Variants in NTNG1 observed in about 807,000 individuals in gnomAD.
NTNG1 encodes the protein netrin-G1.
A neutral mutation model predicts 54.0 loss-of-function variants in NTNG1; 16 were observed. The observed-to-expected ratio is 0.30, with a 90% confidence interval of 0.20 to 0.45. The LOEUF is 0.45. Ranked by LOEUF, NTNG1 falls within the 20% of genes least tolerant of loss-of-function variation. The pLI, the probability that NTNG1 is intolerant of heterozygous loss-of-function variation, is 1.00. For missense variants in NTNG1, 530 were observed against 678.7 expected, an observed-to-expected ratio of 0.78 and a Z score of 2.43; for synonymous variants, 255 against 263.1, an observed-to-expected ratio of 0.97 and a Z score of 0.30.
intron 2 of NTNG1, among the ~76,000 whole-genome samples, chr1:107,319,510 T>C (rs766483156): frequency 6.6e-6 from 1 of 152,090 alleles, no homozygotes; most frequent in Non-Finnish European, 1.5e-5. Context: ...TCTATCTCAG[T>C]CACAGCAGGA....
intron 2 of NTNG1, among the ~76,000 whole-genome samples, chr1:107,207,310 A>G (rs533836165): frequency 2.6e-5 from 4 of 152,296 alleles, no homozygotes; most frequent in African/African-American, 9.6e-5. Flanking sequence ...TTTTCCTCCC[A>G]TAACTGTGAA....
chr1:107,200,640 A>G (rs891288587), intron 2 of NTNG1, among the ~76,000 whole-genome samples: 62 of 151,900 alleles, frequency 4.1e-4, no homozygotes, highest in Admixed American at 3.9e-4. Flanking sequence ...TTTTAAAATG[A>G]AAAAAATTAG....
intron 5 of NTNG1, among the ~76,000 whole-genome samples, chr1:107,422,823 T>C: frequency 6.6e-6 from 1 of 152,168 alleles, no homozygotes; most frequent in East Asian, 1.9e-4. Context: ...AATCTACCTG[T>C]TCTAATTGTG....
intron 7 of NTNG1, among the ~76,000 whole-genome samples, chr1:107,462,597 G>A (rs77494317): frequency 1.1e-4 from 17 of 152,116 alleles, no homozygotes; most frequent in Non-Finnish European, 2.1e-4. Flanking sequence ...ATTTAATGGC[G>A]TATCAACATG....
intron 2 of NTNG1, among the ~76,000 whole-genome samples, chr1:107,315,431 A>C (rs1431999670): frequency 6.6e-6 from 1 of 152,126 alleles, no homozygotes; most frequent in African/African-American, 2.4e-5. Flanking sequence ...ACAACACATC[A>C]GTTCTTCCAT....
rs1678913605 is a variant in NTNG1 at position 107,484,479 on chromosome 1, A to C, written c.*3639A>C. Among the ~76,000 whole-genome samples the C allele has an allele frequency of 6.6e-6, 1 of 152,182 alleles. No individual in the cohort carries two copies. The highest frequency in any genetic ancestry group is 6.5e-5 in the Admixed American group (1 of 15,282). ...TTAGACATGTGGCATGGGGTCCTCC[A>C]TTGGTACTTTTGCACAAGATCCTGC... On this transcript the variant is annotated 3_prime_UTR_variant, in exon 8 of 8. Coordinates refer to ENST00000370068, the MANE Select transcript of NTNG1 (RefSeq NM_001113226.3).
intron 3 of NTNG1, among the ~76,000 whole-genome samples, chr1:107,370,240 T>TAAAA (rs35235511): frequency 2.4e-5 from 3 of 125,620 alleles, no homozygotes; most frequent in Non-Finnish European, 5.2e-5. Flanking sequence ...GTCAATTTCT[T>TAAAA]AAAAAAAAAA....
At chr1:107,293,995 C>T (rs1665786811) in intron 2 of NTNG1, among the ~76,000 whole-genome samples, 1 of 151,936 alleles carries the variant, frequency 6.6e-6, no homozygotes, top group African/African-American at 2.4e-5. Flanking sequence ...ATAAAGGATT[C>T]TGAAAAGAAA....
At chr1:107,223,125 A>G (rs930202061) in intron 2 of NTNG1, among the ~76,000 whole-genome samples, 1 of 152,100 alleles carries the variant, frequency 6.6e-6, no homozygotes, top group African/African-American at 2.4e-5. Context: ...ATTTTGACAA[A>G]TAGCTTAGAT....
intron 2 of NTNG1, among the ~76,000 whole-genome samples, chr1:107,302,102 C>T (rs1418520560): frequency 6.6e-6 from 1 of 152,180 alleles, no homozygotes; most frequent in African/African-American, 2.4e-5. Flanking sequence ...AACGTCCACC[C>T]CTTTGTACTC....
chr1:107,346,592 G>A (rs1296610523), intron 3 of NTNG1, among the ~76,000 whole-genome samples: 2 of 152,064 alleles, frequency 1.3e-5, no homozygotes, highest in African/African-American at 2.4e-5. Flanking sequence ...CCTCAGAGAT[G>A]TCAAAACAAG....
rs116729338 is a variant in NTNG1 at position 107,204,504 on chromosome 1, A to G, written c.246+55665A>G. 3.8e-3 allele frequency among the ~76,000 whole-genome samples: 583 copies of G among 152,112 alleles called. 4 individuals carry two copies. Among genetic ancestry groups the G allele is most frequent in the African/African-American group, 0.013 (551 of 41,526 alleles). ...AGGGAGTGGGGCCTAGCTGATCCCA[A>G]CCTTCCAGCCATCTCTGCCAGGGAA... On this transcript the variant is annotated intron_variant, in intron 2 of 7. Coordinates refer to ENST00000370068, the MANE Select transcript of NTNG1 (RefSeq NM_001113226.3).
rs1557878514 is a variant in NTNG1 at position 107,297,248 on chromosome 1, C to CATATATATATATATATAT, written c.247-27034_247-27033insATATATATATATATATAT. On this transcript the variant is annotated intron_variant, in intron 2 of 7. Coordinates refer to ENST00000370068, the MANE Select transcript of NTNG1 (RefSeq NM_001113226.3). ...ATATATATATATATATATATATATG[C>CATATATATATATATATAT]GCACACACACACACACACAGCAGTT... 2.0e-3 allele frequency among the ~76,000 whole-genome samples: 127 copies of CATATATATATATATATAT among 63,644 alleles called. 3 individuals carry two copies. The highest frequency in any genetic ancestry group is 3.7e-3 in the African/African-American group (57 of 15,458). The allele number at this position is 63,644 out of a possible 152,430, so 41.8% of individuals were successfully genotyped here. A position where few individuals can be genotyped will look rare whatever the true frequency, so the allele number is the denominator to read the frequency against.
At chr1:107,476,047 G>C (rs1329857579) in intron 7 of NTNG1, among the ~76,000 whole-genome samples, 1 of 152,118 alleles carries the variant, frequency 6.6e-6, no homozygotes, top group African/African-American at 2.4e-5. Context: ...AGTCAATCAA[G>C]AACATGCAAT....
At chr1:107,442,553 G>A (rs1482766512) in intron 7 of NTNG1, among the ~76,000 whole-genome samples, 1 of 152,112 alleles carries the variant, frequency 6.6e-6, no homozygotes, top group Admixed American at 6.6e-5. Context: ...GATGGTATAA[G>A]GCTGTGCTGA....
intron 2 of NTNG1, among the ~76,000 whole-genome samples, chr1:107,202,809 C>T (rs1658860215): frequency 6.6e-6 from 1 of 151,878 alleles, no homozygotes; most frequent in Non-Finnish European, 1.5e-5. Context: ...CGTAGTCAGA[C>T]CTCCTACTAC....
chr1:107,170,133 TG>T (rs1656108527), intron 2 of NTNG1, among the ~76,000 whole-genome samples: 1 of 152,268 alleles, frequency 6.6e-6, no homozygotes, highest in African/African-American at 2.4e-5. Flanking sequence ...GCAGAGTAAC[TG>T]GTGACTGTAG....
At position 107,199,341 on chromosome 1, in the gene NTNG1, T is replaced by TAA. The variant is rs11369205; in HGVS notation, c.246+50509_246+50510dup. 1.3e-4 allele frequency among the ~76,000 whole-genome samples: 19 copies of TAA among 150,842 alleles called. 1 individual carries two copies. In the South Asian group the frequency reaches 1.5e-3, roughly 12 times the overall value. ...CATTACATATGTTGTATTTAGGCCATAAAAAAAATGCTATAGTGAGACTTC... is the reference window on the plus strand; with the variant it reads ...CATTACATATGTTGTATTTAGGCCATAAAAAAAAAATGCTATAGTGAGACTTC... On this transcript the variant is annotated intron_variant, in intron 2 of 7. Transcript: ENST00000370068.
In NTNG1 at chr1:107,255,334, TC is replaced by T. The variant is rs1662862867; in HGVS notation, c.247-68947del. Among the ~76,000 whole-genome samples the T allele has an allele frequency of 2.0e-5, 3 of 152,244 alleles. No homozygotes were observed. In the South Asian group the frequency reaches 6.2e-4, roughly 32 times the overall value. ...ATAGTTTTCCTCCATAAAGACACAG[TC>T]ATTGCCCAAAGGAGAAGCAGCCAAG... On this transcript the variant is annotated intron_variant, in intron 2 of 7. Transcript: ENST00000370068.
Sources: gnomAD v4.1 joint callset for allele counts (sites outside exome capture counted in the v4.1 genomes callset) on GRCh38, gnomAD v4.1.1 for gene constraint, MANE v1.5 for transcripts, NCBI Gene and HGNC (gene_info 2026-07-23, HGNC 2026-07-21) for gene names.